The following CIMAP3 variants were observed in gnomAD, a reference collection of about 807,000 sequenced individuals.
CIMAP3 encodes ciliary microtubule-associated protein 3.
chr1:111,350,504 A>C, the CIMAP3 span, among the ~76,000 whole-genome samples: 3 of 152,212 alleles, frequency 2.0e-5, no homozygotes, highest in Admixed American at 2.0e-4. Flanking sequence ...ATCCCTACAC[A>C]ATAGAGGCCC....
At chr1:111,331,441 T>C in the CIMAP3 span, among the ~76,000 whole-genome samples, 1 of 152,230 alleles carries the variant, frequency 6.6e-6, no homozygotes, top group Non-Finnish European at 1.5e-5. Context: ...ACATGTCTTT[T>C]AAGTTCAGAA....
chr1:111,342,873 G>A, the CIMAP3 span, among the ~76,000 whole-genome samples: 8,120 of 152,010 alleles, frequency 0.053, 475 homozygotes, highest in African/African-American at 0.14. Flanking sequence ...TTCTCTTACC[G>A]TCTGCTTGGA....
chr1:111,331,812 A>G, the CIMAP3 span, among the ~76,000 whole-genome samples: 50 of 151,934 alleles, frequency 3.3e-4, no homozygotes, highest in African/African-American at 1.2e-3. Flanking sequence ...TACACATCTG[A>G]TAGGAAAGTC....
chr1:111,325,254 G>T, the CIMAP3 span, among the ~76,000 whole-genome samples: 1 of 152,152 alleles, frequency 6.6e-6, no homozygotes, highest in Non-Finnish European at 1.5e-5. Context: ...GGCATCCTTA[G>T]GAGGAAAGAA....
At chr1:111,346,698 A>G in the CIMAP3 span, 2 of 1,607,832 alleles carry the variant, frequency 1.2e-6, no homozygotes, top group South Asian at 2.2e-5. Context: ...AGAAGCCTAG[A>G]GTAGAGGGCA....
the CIMAP3 span, among the ~76,000 whole-genome samples, chr1:111,335,657 G>T: frequency 6.6e-6 from 1 of 152,256 alleles, no homozygotes; most frequent in African/African-American, 2.4e-5. Context: ...AGGGGCACCC[G>T]CCATTGCCCA....
the CIMAP3 span, among the ~76,000 whole-genome samples, chr1:111,345,242 C>A: frequency 6.6e-6 from 1 of 152,200 alleles, no homozygotes; most frequent in Non-Finnish European, 1.5e-5. Flanking sequence ...TTTAAGTAGA[C>A]AAAATGCTTG....
chr1:111,328,159 T>C, the CIMAP3 span, among the ~76,000 whole-genome samples: 1 of 152,238 alleles, frequency 6.6e-6, no homozygotes, highest in Non-Finnish European at 1.5e-5. Context: ...TGTATAGTTT[T>C]GAGCGATTTT....
At chr1:111,347,138 T>C in the CIMAP3 span, 1 of 1,435,374 alleles carries the variant, frequency 7.0e-7, no homozygotes, top group Non-Finnish European at 9.3e-7. Flanking sequence ...GAAAAAATTC[T>C]GTGGGACTTG....
the CIMAP3 span, chr1:111,346,809 G>C: frequency 6.4e-6 from 10 of 1,573,346 alleles, no homozygotes; most frequent in Non-Finnish European, 8.7e-6. Flanking sequence ...GCACGGTTGG[G>C]CCCTGTCCTC....
chr1:111,346,241 C>A, the CIMAP3 span: 1 of 166,880 alleles, frequency 6.0e-6, no homozygotes, highest in Non-Finnish European at 1.3e-5. Context: ...GGGCGTTGCC[C>A]AGGGAGTCCA....
At chr1:111,345,038 G>A in the CIMAP3 span, among the ~76,000 whole-genome samples, 1 of 152,306 alleles carries the variant, frequency 6.6e-6, no homozygotes, top group African/African-American at 2.4e-5. Flanking sequence ...TTGTAGCCTA[G>A]GAGTAAGAGG....
the CIMAP3 span, among the ~76,000 whole-genome samples, chr1:111,333,351 G>A: frequency 6.6e-6 from 1 of 152,198 alleles, no homozygotes; most frequent in African/African-American, 2.4e-5. Context: ...CTGGAGAGGT[G>A]CAGTGGCTAT....
chr1:111,347,753 G>T, the CIMAP3 span: 1 of 1,611,960 alleles, frequency 6.2e-7, no homozygotes, highest in Non-Finnish European at 8.5e-7. Context: ...ACAGCTGTGA[G>T]GTTTAAGCCA....
the CIMAP3 span, among the ~76,000 whole-genome samples, chr1:111,346,010 A>T: frequency 1.0e-3 from 157 of 152,098 alleles, no homozygotes; most frequent in African/African-American, 3.5e-3. Flanking sequence ...GACTGCCCCA[A>T]CTTCTAAAAA....
At chr1:111,351,259 C>T in the CIMAP3 span, 1 of 1,604,834 alleles carries the variant, frequency 6.2e-7, no homozygotes, top group Non-Finnish European at 8.5e-7. Context: ...TTCATTGCAG[C>T]TGTCCACAGA....
the CIMAP3 span, among the ~76,000 whole-genome samples, chr1:111,344,595 A>G: frequency 6.6e-6 from 1 of 152,172 alleles, no homozygotes; most frequent in Non-Finnish European, 1.5e-5. Context: ...TACTTATTCA[A>G]TTCACCTGTT....
the CIMAP3 span, chr1:111,346,640 C>G: frequency 6.2e-7 from 1 of 1,614,210 alleles, no homozygotes; most frequent in South Asian, 1.1e-5. Flanking sequence ...AGTGCTAGCC[C>G]TAGCAGCTCG....
At chr1:111,351,629 C>A in the CIMAP3 span, 1 of 235,096 alleles carries the variant, frequency 4.3e-6, no homozygotes, top group Non-Finnish European at 8.2e-6. Flanking sequence ...TTCTAATTCC[C>A]AGGAGCCAAT....
Sources: allele counts gnomAD v4.1 joint callset (sites outside exome capture counted in the v4.1 genomes callset), GRCh38; gene constraint gnomAD v4.1.1; transcripts MANE v1.5; gene names NCBI Gene and HGNC (gene_info 2026-07-23, HGNC 2026-07-21).